The following CS variants were observed in gnomAD, a reference collection of about 807,000 sequenced individuals.
CS encodes the protein citrate synthase.
A neutral mutation model predicts 61.4 loss-of-function variants in CS; 13 were observed. That is an observed-to-expected ratio of 0.21 (90% CI 0.14 to 0.34). The LOEUF (loss-of-function observed/expected upper bound fraction) is 0.34. Ranked by LOEUF, CS falls within the 10% of genes least tolerant of loss-of-function variation. The pLI, the probability that CS is intolerant of heterozygous loss-of-function variation, is 1.00. For missense variants in CS, 278 were observed against 573.4 expected, an observed-to-expected ratio of 0.48 and a Z score of 5.26; for synonymous variants, 159 against 215.2, an observed-to-expected ratio of 0.74 and a Z score of 2.29.
In CS at chr12:56,271,717, T is replaced by A. The variant is rs1475116201; in HGVS notation, c.*1367A>T. ...GCTCAAGCATTGTTAATAAAAACATTTATTTTGCATTTTATACAGAACAAC... is the reference window on the plus strand; with the variant it reads ...GCTCAAGCATTGTTAATAAAAACATATATTTTGCATTTTATACAGAACAAC... On this transcript the variant is annotated 3_prime_UTR_variant, in exon 11 of 11. Transcript: ENST00000351328. 1 of 304,036 alleles carries A rather than the reference T, an allele frequency of 3.3e-6. No homozygotes were observed. Among genetic ancestry groups the A allele is most frequent in the African/African-American group, 2.2e-5 (1 of 44,726 alleles). The allele number at this position is 304,036 out of a possible 1,614,324, so 18.8% of individuals were successfully genotyped here. A position where few individuals can be genotyped will look rare whatever the true frequency, so the allele number is the denominator to read the frequency against.
chr12:56,300,167 C>T lies in CS; in HGVS notation c.35G>A (p.Gly12Glu), dbSNP rs987486461. 1 of 1,569,654 alleles carries T rather than the reference C, an allele frequency of 6.4e-7. No homozygotes were observed. Residue 12 changes from glycine (G) to glutamate (E), a missense_variant, in exon 1 of 11, where the codon GGA becomes GAA. Around this residue, in one of 2 missense-constraint regions of CS, gnomAD observed 55 missense variants for 69.9 expected, o/e 0.79. Transcript: ENST00000351328. ...ALLTAAARLL[G>E]TKNASCLVLA... ...CCTCCCCTCGCTGCTCACCTTGGTTCCCAAGAGCCGGGCGGCCGCAGTAAG... is the reference window on the plus strand; with the variant it reads ...CCTCCCCTCGCTGCTCACCTTGGTTTCCAAGAGCCGGGCGGCCGCAGTAAG...
At chr12:56,290,069 G>GT (rs1355312363) in intron 1 of CS, among the ~76,000 whole-genome samples, 3 of 151,498 alleles carry the variant, frequency 2.0e-5, no homozygotes, top group South Asian at 2.1e-4. Flanking sequence ...AATTTTTGTA[G>GT]TTTTTTAGTA....
chr12:56,287,525 A>G (rs1404169041), intron 1 of CS, among the ~76,000 whole-genome samples: 2 of 147,660 alleles, frequency 1.4e-5, no homozygotes, highest in Non-Finnish European at 3.0e-5. Context: ...GAGAGAGAAA[A>G]TAGTTTAGCT....
intron 6 of CS, among the ~76,000 whole-genome samples, chr12:56,280,099 CT>C (rs1240680029): frequency 6.6e-6 from 1 of 151,184 alleles, no homozygotes; most frequent in Non-Finnish European, 1.5e-5. Flanking sequence ...CTAGACCAGC[CT>C]AGCCAACATG....
chr12:56,295,011 C>G (rs1873251682), intron 1 of CS, among the ~76,000 whole-genome samples: 1 of 151,984 alleles, frequency 6.6e-6, no homozygotes, highest in African/African-American at 2.4e-5. Flanking sequence ...AGTGATCTGC[C>G]CACCTCAGTC....
chr12:56,295,951 CAAAAAAAAAAAAAAAAAAA>C (rs71081343), intron 1 of CS, among the ~76,000 whole-genome samples: 1 of 40,480 alleles, frequency 2.5e-5, no homozygotes, highest in Non-Finnish European at 3.8e-5. Flanking sequence ...GAAACTGTCT[CAAAAAAAAAAAAAAAAAAA>C]AAAAAAAAAA....
chr12:56,300,005 T>C, intron 1 of CS, 155 bp downstream of exon 1: 1 of 675,762 alleles, frequency 1.5e-6, no homozygotes, highest in Non-Finnish European at 2.4e-6. Flanking sequence ...CACATGGTCC[T>C]GTAGCTTCAC....
At chr12:56,275,306 G>T in intron 7 of CS, 175 bp from the exon 8 acceptor site, 1 of 712,168 alleles carries the variant, frequency 1.4e-6, no homozygotes, top group Non-Finnish European at 2.3e-6. Context: ...CAGGCACAGT[G>T]GCTCACGCCT....
intron 1 of CS, chr12:56,298,670 G>C (rs561866481): frequency 1.0e-6 from 1 of 985,412 alleles, no homozygotes; most frequent in East Asian, 1.1e-4. Context: ...CAAATGCTCA[G>C]CTAGTACTTG....
At chr12:56,289,339 C>G (rs1873041985) in intron 1 of CS, among the ~76,000 whole-genome samples, 1 of 152,206 alleles carries the variant, frequency 6.6e-6, no homozygotes, top group Non-Finnish European at 1.5e-5. Flanking sequence ...CCCACAGATT[C>G]CCTACTAGAG....
chr12:56,283,664 G>C, intron 4 of CS, 128 bp downstream of exon 4: 1 of 659,786 alleles, frequency 1.5e-6, no homozygotes, highest in East Asian at 2.7e-5. Flanking sequence ...CCATACATAT[G>C]TCTTCTCTAC....
intron 1 of CS, among the ~76,000 whole-genome samples, chr12:56,294,747 TA>T (rs1188567751): frequency 6.6e-6 from 1 of 151,240 alleles, no homozygotes; most frequent in East Asian, 2.0e-4. Flanking sequence ...TCACAAGTAT[TA>T]AACTTTCCTT....
rs374211908 is a variant in CS, at chr12:56,275,142, G to A, written c.789-11C>T. 1.9e-6 allele frequency: 3 copies of A among 1,613,756 alleles called. No individual in the cohort carries two copies. The highest frequency in any genetic ancestry group is 2.7e-5 in the African/African-American group (2 of 74,906). ...CCACCCTCATGGTCACTGTGGGGAA[G>A]TAAGAAGGGAGAGCCAAGGGAAGAA... On this transcript the variant is annotated splice_polypyrimidine_tract_variant and intron_variant, in intron 7 of 10. Coordinates refer to ENST00000351328, the MANE Select transcript of CS (RefSeq NM_004077.3).
intron 6 of CS, among the ~76,000 whole-genome samples, chr12:56,280,899 TCCCCAATGCC>T (rs1222562111): frequency 1.3e-5 from 2 of 152,140 alleles, no homozygotes; most frequent in Non-Finnish European, 2.9e-5. Flanking sequence ...TGATACCAAC[TCCCCAATGCC>T]AACCAAGTTA....
Position 56,300,172 on chromosome 12 carries a change from G to A in CS, c.30C>T (p.Leu10=), listed in dbSNP as rs1369208313. The A allele has an allele frequency of 1.9e-6, 3 of 1,571,314 alleles. No individual in the cohort carries two copies. The highest frequency in any genetic ancestry group is 1.2e-5 in the South Asian group (1 of 85,976). MALLTAAAR[L]LGTKNASCLV... ...CCTCGCTGCTCACCTTGGTTCCCAA[G>A]AGCCGGGCGGCCGCAGTAAGTAAAG... The change falls in exon 1 of 11, where the codon CTC becomes CTT. Residue 10 remains leucine, a synonymous_variant. Transcript: ENST00000351328.
intron 1 of CS, among the ~76,000 whole-genome samples, chr12:56,294,938 G>T (rs1003443970): frequency 6.6e-6 from 1 of 151,876 alleles, no homozygotes; most frequent in Non-Finnish European, 1.5e-5. Context: ...GCTGATTTTT[G>T]TATTTTTAGT....
intron 1 of CS, among the ~76,000 whole-genome samples, chr12:56,299,160 G>A (rs572683470): frequency 2.0e-5 from 3 of 152,228 alleles, no homozygotes; most frequent in Admixed American, 6.5e-5. Context: ...AGAAGTCAAG[G>A]TCACTTGTGG....
intron 6 of CS, among the ~76,000 whole-genome samples, chr12:56,281,448 A>T (rs1389572713): frequency 6.6e-6 from 1 of 151,770 alleles, no homozygotes; most frequent in Non-Finnish European, 1.5e-5. Context: ...CCACTCTCCC[A>T]CTCCTGATGG....
intron 1 of CS, 177 bp downstream of exon 1, chr12:56,299,983 A>C: frequency 1.7e-6 from 1 of 584,966 alleles, no homozygotes; most frequent in East Asian, 3.8e-5. Flanking sequence ...AGGAGCCAGA[A>C]GGGAAGCGCG....
Sources: allele counts gnomAD v4.1 joint callset (sites outside exome capture counted in the v4.1 genomes callset), GRCh38; gene constraint gnomAD v4.1.1; regional missense constraint gnomAD v4.1.1; transcripts MANE v1.5; gene names NCBI Gene and HGNC (gene_info 2026-07-23, HGNC 2026-07-21).